The following VPS13B variants were observed in gnomAD, a reference collection of about 807,000 sequenced individuals.
VPS13B encodes the protein vacuolar protein sorting 13 homolog B, also known as intermembrane lipid transfer protein VPS13B.
A neutral mutation model predicts 426.4 loss-of-function variants in VPS13B; 285 were observed. That is an observed-to-expected ratio of 0.67 (90% confidence interval 0.61 to 0.74). The LOEUF (loss-of-function observed/expected upper bound fraction) is 0.74. VPS13B is among the 30% of genes least tolerant of loss of function. The pLI is 0.00. For missense variants in VPS13B, 4,537 were observed against 4,782.6 expected (o/e 0.95, Z 1.51); for synonymous variants, 1,676 against 1,676.4 (o/e 1.00, Z 0.01).
intron 19 of VPS13B, 91 bp from the exon 20 acceptor site, chr8:99,384,117 T>C (rs901222065): frequency 2.9e-5 from 30 of 1,038,512 alleles, no homozygotes; most frequent in Middle Eastern, 2.0e-4. Flanking sequence ...TTGTCTGTTA[T>C]GTCATAGCTA....
At chr8:99,061,646 G>T (rs1367773348) in intron 3 of VPS13B, among the ~76,000 whole-genome samples, 1 of 151,366 alleles carries the variant, frequency 6.6e-6, no homozygotes, top group Non-Finnish European at 1.5e-5. Context: ...TTATTTTTTA[G>T]TAATTGCTCT....
intron 35 of VPS13B, among the ~76,000 whole-genome samples, chr8:99,675,893 T>G (rs1311588284): frequency 6.6e-6 from 1 of 152,140 alleles, no homozygotes; most frequent in Non-Finnish European, 1.5e-5. Context: ...TTATTGAGTT[T>G]CCTTAAAGCA....
chr8:99,028,477 A>G, intron 2 of VPS13B, among the ~76,000 whole-genome samples: 1 of 106,626 alleles, frequency 9.4e-6, no homozygotes, highest in Non-Finnish European at 1.9e-5. Flanking sequence ...TGGGCAGAGG[A>G]GCCCCTCACC....
At chr8:99,640,010 T>G (rs200125985) in intron 33 of VPS13B, among the ~76,000 whole-genome samples, 4,233 of 72,346 alleles carry the variant, frequency 0.059, 194 homozygotes, top group African/African-American at 0.12. Flanking sequence ...ATAATAATAA[T>G]AATAATAATA....
At chr8:99,525,859 T>C (rs1822612348) in intron 30 of VPS13B, among the ~76,000 whole-genome samples, 1 of 152,146 alleles carries the variant, frequency 6.6e-6, no homozygotes. Flanking sequence ...ACTGAGAAAG[T>C]GCAGGGATCC....
intron 55 of VPS13B, among the ~76,000 whole-genome samples, chr8:99,851,417 T>C (rs571229196): frequency 2.0e-5 from 3 of 151,646 alleles, no homozygotes; most frequent in Non-Finnish European, 2.9e-5. Context: ...AGAAAGGAAA[T>C]GTTATGGTGC....
chr8:99,847,639 G>A (rs1000393589), intron 54 of VPS13B, among the ~76,000 whole-genome samples: 1 of 152,188 alleles, frequency 6.6e-6, no homozygotes, highest in Non-Finnish European at 1.5e-5. Context: ...CTGCAGCAAG[G>A]AGCAGAGGGA....
intron 49 of VPS13B, among the ~76,000 whole-genome samples, 191 bp from the exon 50 acceptor site, chr8:99,821,103 A>AACACACACACACAC (rs755074579): frequency 7.0e-4 from 55 of 78,356 alleles, no homozygotes; most frequent in East Asian, 2.6e-3. Flanking sequence ...GTCATTACAA[A>AACACACACACACAC]ACACACACAC....
intron 17 of VPS13B, among the ~76,000 whole-genome samples, chr8:99,237,468 T>G (rs1167689458): frequency 6.6e-6 from 1 of 152,056 alleles, no homozygotes; most frequent in East Asian, 1.9e-4. Flanking sequence ...CAGGCTAATG[T>G]AAAGTGGAGG....
At chr8:99,274,447 G>C in intron 18 of VPS13B, 115 bp downstream of exon 18, 1 of 1,517,356 alleles carries the variant, frequency 6.6e-7, no homozygotes, top group Non-Finnish European at 9.0e-7. Flanking sequence ...TGAATCAGAC[G>C]TTTTAAATTT....
At chr8:99,722,362 T>C (rs1394109253) in intron 39 of VPS13B, among the ~76,000 whole-genome samples, 4 of 152,210 alleles carry the variant, frequency 2.6e-5, no homozygotes, top group Non-Finnish European at 5.9e-5. Flanking sequence ...AAGCTCCTTA[T>C]ATGTCTTGAT....
chr8:99,178,570 C>G (rs1451249169), intron 16 of VPS13B, among the ~76,000 whole-genome samples: 1 of 151,794 alleles, frequency 6.6e-6, no homozygotes, highest in Non-Finnish European at 1.5e-5. Context: ...TATGGTAGAC[C>G]TAGAGAGATA....
chr8:99,060,533 T>A (rs1358612098), intron 3 of VPS13B, among the ~76,000 whole-genome samples: 1 of 151,478 alleles, frequency 6.6e-6, no homozygotes, highest in Admixed American at 6.6e-5. Context: ...CACTTGAACC[T>A]AGGAGGCGGA....
chr8:99,396,684 G>A (rs1814744120), intron 21 of VPS13B, among the ~76,000 whole-genome samples: 1 of 152,044 alleles, frequency 6.6e-6, no homozygotes, highest in African/African-American at 2.4e-5. Flanking sequence ...CACTAAGATA[G>A]TGAAAGATTT....
intron 39 of VPS13B, among the ~76,000 whole-genome samples, chr8:99,741,165 G>A (rs1334245651): frequency 2.0e-5 from 3 of 152,106 alleles, no homozygotes; most frequent in African/African-American, 7.2e-5. Flanking sequence ...AAAGGCAAGG[G>A]TTGCAATCCT....
chr8:99,360,228 T>C (rs770831173), intron 19 of VPS13B, among the ~76,000 whole-genome samples: 1,234 of 14,898 alleles, frequency 0.083, 86 homozygotes, highest in South Asian at 0.21. Flanking sequence ...CTTTCTTTCT[T>C]TCTTTCTCTC....
rs776600965 is a variant in VPS13B, at chr8:99,556,589, G to C, written c.4885G>C (p.Gly1629Arg). Reference protein sequence around the residue: ...LKPEKESVSGGVVTETERNSQ... With the variant: ...LKPEKESVSGRVVTETERNSQ... ...ACCAGAGAAGGAAAGTGTCTCAGGA[G>C]GGGTGGTAACAGAGACTGAAAGGAA... The change falls in exon 31 of 62, where the codon GGG (glycine) becomes CGG (arginine). Residue 1629 changes from glycine to arginine, a missense_variant. Gly to Arg is a moderately radical substitution (Grantham distance 125). Coordinates refer to ENST00000357162, the MANE Select transcript of VPS13B (RefSeq NM_152564.5). 2.5e-6 allele frequency: 4 copies of C among 1,613,204 alleles called. No homozygotes were observed. Among genetic ancestry groups the C allele is most frequent in the Non-Finnish European group, 3.4e-6 (4 of 1,179,484 alleles).
At chr8:99,793,331 A>C (rs1812657848) in intron 43 of VPS13B, among the ~76,000 whole-genome samples, 1 of 149,170 alleles carries the variant, frequency 6.7e-6, no homozygotes, top group Non-Finnish European at 1.5e-5. Flanking sequence ...TACCAGGAAC[A>C]TCATTATGAA....
At chr8:99,287,266 CTA>C (rs1196662798) in intron 19 of VPS13B, among the ~76,000 whole-genome samples, 4 of 151,648 alleles carry the variant, frequency 2.6e-5, no homozygotes, top group African/African-American at 9.7e-5. Context: ...ATCTATCTAT[CTA>C]TCTATCTATC....
Sources: gnomAD v4.1 joint callset for allele counts (sites outside exome capture counted in the v4.1 genomes callset) on GRCh38, gnomAD v4.1.1 for gene constraint, MANE v1.5 for transcripts, NCBI Gene and HGNC (gene_info 2026-07-23, HGNC 2026-07-21) for gene names.